MMP16: variants seen among roughly 807,000 people sequenced by gnomAD.
MMP16 encodes the protein matrix metalloproteinase-16.
MMP16 carries 12 observed loss-of-function variants against 67.8 expected under a neutral mutation model. That is an observed-to-expected ratio of 0.18 (90% CI 0.11 to 0.29). The LOEUF (loss-of-function observed/expected upper bound fraction) is 0.29, where lower values mean the gene tolerates loss of function less well. Ranked by LOEUF, MMP16 falls within the 10% of genes least tolerant of loss-of-function variation. The pLI is 1.00. For synonymous variants in MMP16, 249 were observed against 255.9 expected, an observed-to-expected ratio of 0.97 and a Z score of 0.26; for missense variants, 475 against 765.7, an observed-to-expected ratio of 0.62 and a Z score of 4.48.
rs1810134358 is a variant in MMP16, at chr8:88,247,598, C to T, written c.133-50292G>A. Among the ~76,000 whole-genome samples the T allele has an allele frequency of 2.0e-5, 3 of 151,868 alleles. No homozygotes were observed. The South Asian group carries it at 6.2e-4, about 31-fold the overall frequency. ...TTGTGGTTCTTAACAAGAACATTTT[C>T]CTGCCAATCCAGGAAAATATGCACA... On this transcript the variant is annotated intron_variant, in intron 1 of 9. Coordinates refer to ENST00000286614, the MANE Select transcript of MMP16 (RefSeq NM_005941.5).
intron 1 of MMP16, among the ~76,000 whole-genome samples, chr8:88,307,637 C>T (rs1003171645): frequency 1.3e-5 from 2 of 151,860 alleles, no homozygotes; most frequent in African/African-American, 4.8e-5. Flanking sequence ...ACAAATGAGT[C>T]TCCATTTCCC....
intron 1 of MMP16, 114 bp downstream of exon 1, chr8:88,326,961 A>G: frequency 7.1e-7 from 1 of 1,404,152 alleles, no homozygotes; most frequent in Non-Finnish European, 9.9e-7. Flanking sequence ...CTGGAAGGGA[A>G]ACAACGTGCT....
At chr8:88,207,296 G>A (rs1032230398) in intron 1 of MMP16, among the ~76,000 whole-genome samples, 13 of 152,136 alleles carry the variant, frequency 8.5e-5, no homozygotes, top group Admixed American at 2.6e-4. Flanking sequence ...ACTGTAGTAC[G>A]TATTGTACTA....
intron 7 of MMP16, among the ~76,000 whole-genome samples, chr8:88,068,602 T>C (rs748512954): frequency 1.6e-4 from 24 of 152,182 alleles, no homozygotes; most frequent in Non-Finnish European, 2.8e-4. Context: ...TTTTGTTTTT[T>C]TACATGTATC....
chr8:88,326,128 T>A (rs958446565), intron 1 of MMP16, among the ~76,000 whole-genome samples: 1 of 152,236 alleles, frequency 6.6e-6, no homozygotes, highest in Non-Finnish European at 1.5e-5. Flanking sequence ...TCAAAAGAAG[T>A]AAATGTTACT....
chr8:88,063,294 G>T (rs2118245211), intron 7 of MMP16, among the ~76,000 whole-genome samples: 1 of 151,958 alleles, frequency 6.6e-6, no homozygotes, highest in Middle Eastern at 3.4e-3. Context: ...TTCAATGTCT[G>T]TTTATTATGA....
chr8:88,045,769 A>G (rs985873712), intron 9 of MMP16, among the ~76,000 whole-genome samples: 1 of 152,060 alleles, frequency 6.6e-6, no homozygotes, highest in African/African-American at 2.4e-5. Flanking sequence ...CCCTGCCCCT[A>G]GATGCACTTG....
chr8:88,112,666 G>GGGGTGTGTGTGTGTGT (rs1554578643), intron 6 of MMP16, among the ~76,000 whole-genome samples: 142 of 146,890 alleles, frequency 9.7e-4, no homozygotes, highest in Admixed American at 2.0e-3. Flanking sequence ...AGGACAGAAG[G>GGGGTGTGTGTGTGTGT]GTGTGTGTGT....
intron 4 of MMP16, among the ~76,000 whole-genome samples, chr8:88,122,859 T>C (rs1807862264): frequency 6.6e-6 from 1 of 151,604 alleles, no homozygotes. Context: ...GGCGAGGTCA[T>C]ACGATACATC....
intron 3 of MMP16, among the ~76,000 whole-genome samples, chr8:88,175,040 C>T (rs191105990): frequency 6.6e-6 from 1 of 152,210 alleles, no homozygotes; most frequent in Non-Finnish European, 1.5e-5. Context: ...AGGTGTGAGC[C>T]ACTGTGCCTG....
At chr8:88,246,659 G>A (rs1201796503) in intron 1 of MMP16, among the ~76,000 whole-genome samples, 1 of 152,114 alleles carries the variant, frequency 6.6e-6, no homozygotes, top group African/African-American at 2.4e-5. Context: ...AATTAGTCAT[G>A]TACTCCAGAC....
chr8:88,125,837 T>A (rs555202317), intron 4 of MMP16, among the ~76,000 whole-genome samples: 2 of 152,020 alleles, frequency 1.3e-5, no homozygotes, highest in East Asian at 3.9e-4. Context: ...TGTGCAACAC[T>A]TTTTCCCTGG....
chr8:88,128,264 G>A (rs1484152614), intron 4 of MMP16, among the ~76,000 whole-genome samples: 2 of 151,620 alleles, frequency 1.3e-5, no homozygotes, highest in African/African-American at 4.8e-5. Context: ...ATACACATTT[G>A]GACACCAGAA....
intron 6 of MMP16, among the ~76,000 whole-genome samples, chr8:88,083,143 T>C (rs1180123319): frequency 6.6e-6 from 1 of 152,116 alleles, no homozygotes; most frequent in Non-Finnish European, 1.5e-5. Context: ...TATAAGTATG[T>C]TAATTAATGT....
chr8:88,117,762 T>C (rs561971059), intron 5 of MMP16, among the ~76,000 whole-genome samples: 4 of 152,068 alleles, frequency 2.6e-5, no homozygotes, highest in Non-Finnish European at 5.9e-5. Context: ...AAAAAACTAA[T>C]GAATGCAAAA....
chr8:88,047,115 T>A (rs567804599), intron 8 of MMP16, among the ~76,000 whole-genome samples: 22 of 152,334 alleles, frequency 1.4e-4, no homozygotes, highest in Admixed American at 5.2e-4. Flanking sequence ...ATATTTATAG[T>A]TCATAAGGAC....
intron 1 of MMP16, among the ~76,000 whole-genome samples, chr8:88,311,349 T>A (rs945439730): frequency 1.3e-5 from 2 of 152,148 alleles, no homozygotes; most frequent in Admixed American, 1.3e-4. Context: ...CTTTCAGGAA[T>A]CAAACAATTT....
At chr8:88,139,543 T>C (rs533452682) in intron 4 of MMP16, among the ~76,000 whole-genome samples, 2 of 152,294 alleles carry the variant, frequency 1.3e-5, no homozygotes, top group African/African-American at 4.8e-5. Flanking sequence ...CTACACAGTC[T>C]ACGTATTTAT....
At chr8:88,303,791 A>AAC (rs925808599) in intron 1 of MMP16, among the ~76,000 whole-genome samples, 2 of 152,220 alleles carry the variant, frequency 1.3e-5, no homozygotes, top group African/African-American at 4.8e-5. Flanking sequence ...CCTCACAGAA[A>AAC]ACCCCATTCA....
Sources: allele counts gnomAD v4.1 joint callset (sites outside exome capture counted in the v4.1 genomes callset), GRCh38; gene constraint gnomAD v4.1.1; transcripts MANE v1.5; gene names NCBI Gene and HGNC (gene_info 2026-07-23, HGNC 2026-07-21).